The following GATA3 variants were observed in gnomAD, a reference collection of about 807,000 sequenced individuals.
GATA3 encodes trans-acting T-cell-specific transcription factor GATA-3.
Under a neutral mutation model 36.0 loss-of-function variants are expected in GATA3, and 6 were observed. The ratio of observed to expected loss-of-function variants is 0.17; its 90% CI spans 0.09 to 0.33. The LOEUF is 0.33. Among genes scored for constraint, GATA3 ranks in the 10% least tolerant of loss-of-function variants. The probability of loss-of-function intolerance (pLI) is 1.00; values close to 1 mark genes in which losing one functional copy is unlikely to be tolerated. For missense variants in GATA3, 514 were observed against 610.1 expected (o/e 0.84, Z 1.66); for synonymous variants, 326 against 273.0 (o/e 1.19, Z -1.92).
rs409534 is a variant in GATA3 at position 8,069,205 on chromosome 10, C to T, written c.925-268C>T. Among the ~76,000 whole-genome samples, 39,678 of 151,832 alleles carry T rather than the reference C, an allele frequency of 0.26. 5,627 individuals carry two copies. The highest frequency in any genetic ancestry group is 0.38 in the African/African-American group (15,637 of 41,380). ...GAGGCTAAGACTGCCAGGGAGGAGG[C>T]CCCGGCTTCCTGCTCCTACCGGGGA... is the stretch of plus-strand genomic sequence containing the variant. On this transcript the variant is annotated intron_variant, in intron 4 of 5. Coordinates refer to ENST00000379328, the MANE Select transcript of GATA3 (RefSeq NM_001002295.2).
chr10:8,071,065 T>C (rs1015688947), intron 5 of GATA3, among the ~76,000 whole-genome samples: 1 of 152,234 alleles, frequency 6.6e-6, no homozygotes, highest in African/African-American at 2.4e-5. Flanking sequence ...TATGAAATTA[T>C]TTTTGGGCTG....
At chr10:8,064,308 C>CTTTTTTTTTTTTTT (rs1315616378) in intron 4 of GATA3, among the ~76,000 whole-genome samples, 170 bp downstream of exon 4, 2 of 114,132 alleles carry the variant, frequency 1.8e-5, no homozygotes, top group Non-Finnish European at 3.4e-5. Context: ...TTTTCTTCTT[C>CTTTTTTTTTTTTTT]TTCTTTTTTT....
At chr10:8,050,399 G>A (rs112536719), upstream of GATA3, 3 of 152,398 alleles carry the variant, frequency 2.0e-5, no homozygotes, top group African/African-American at 7.2e-5. Flanking sequence ...TACTGGCGCC[G>A]GCCTCGACAC....
At chr10:8,049,299 A>G (rs181830312), upstream of GATA3, among the ~76,000 whole-genome samples, 5 of 152,088 alleles carry the variant, frequency 3.3e-5, no homozygotes, top group Admixed American at 2.6e-4. Context: ...ATTGCCAGTG[A>G]GTTTTAGGGT....
In GATA3 at chr10:8,064,311, C is replaced by CT. The variant is rs59943653; in HGVS notation, c.924+190dup. 9.6e-3 allele frequency among the ~76,000 whole-genome samples: 496 copies of CT among 51,430 alleles called. 2 individuals are homozygous for CT. Among genetic ancestry groups the CT allele is most frequent in the African/African-American group, 0.017 (232 of 13,358 alleles). 33.7% of individuals were successfully genotyped at this position (51,430 alleles called of 152,430 possible). On this transcript the variant is annotated intron_variant, in intron 4 of 5. Transcript: ENST00000379328. ...TTTCTTTCTTTCTTTTCTTCTTCTTCTTTTTTTTTTTTTTTTTCAAATTTG... is the reference window on the plus strand; with the variant it reads ...TTTCTTTCTTTCTTTTCTTCTTCTTCTTTTTTTTTTTTTTTTTTCAAATTTG...
intron 3 of GATA3, among the ~76,000 whole-genome samples, chr10:8,060,539 T>TC (rs1398451872): frequency 6.6e-6 from 1 of 150,928 alleles, no homozygotes. Context: ...CTTTTTCTTT[T>TC]TTTTTTAAAG....
chr10:8,055,896 G>A lies in GATA3; in HGVS notation c.241G>A (p.Gly81Arg), dbSNP rs759839816. The change falls in exon 2 of 6, where the codon GGG becomes AGG. Residue 81 changes from glycine (G) to arginine (R), a missense_variant and splice_region_variant. Transcript: ENST00000379328. The surrounding 1 kb of genome is among the most constrained non-coding windows in gnomAD (Gnocchi z 5.4). The stretch of plus-strand genomic sequence containing the variant: ...GCAGAGGTACCCTCCGACCCACCAC[G>A]GTGAGTGCGCCCGGGGTGCCGGGGC... The part of the protein sequence containing the change: ...TVQRYPPTHH[G>R]SQVCRPPLLH... The A allele has an allele frequency of 6.4e-7, 1 of 1,556,902 alleles. No individual in the cohort carries two copies.
chr10:8,056,406 C>T (rs1326701773), intron 2 of GATA3, among the ~76,000 whole-genome samples: 1 of 152,204 alleles, frequency 6.6e-6, no homozygotes, highest in Non-Finnish European at 1.5e-5. Flanking sequence ...TCAATTCGCA[C>T]ATTTTCAGAA....
intron 3 of GATA3, among the ~76,000 whole-genome samples, chr10:8,063,585 C>T (rs1832784290): frequency 1.3e-5 from 2 of 152,204 alleles, no homozygotes; most frequent in African/African-American, 4.8e-5. Context: ...CCTTTGTCTT[C>T]CTTTTTTTCC....
At chr10:8,052,067 C>G (rs575288672), upstream of GATA3, among the ~76,000 whole-genome samples, 199 of 152,292 alleles carry the variant, frequency 1.3e-3, no homozygotes, top group Non-Finnish European at 2.5e-3. Flanking sequence ...CCGGCGCGGG[C>G]CATCAAAAGA....
Position 8,074,830 on chromosome 10 carries a change from T to G in GATA3, c.*807T>G, listed in dbSNP as rs1832989756. Reference sequence around the variant, plus strand: ...AGAACTGCTTTCTTTCGTTTGTTTGTTTCAATATTTTCCTTCTCTCTCAAT... The same window carrying G: ...AGAACTGCTTTCTTTCGTTTGTTTGGTTCAATATTTTCCTTCTCTCTCAAT... On this transcript the variant is annotated 3_prime_UTR_variant, in exon 6 of 6. Transcript: ENST00000379328. 2 of 233,686 alleles carry G rather than the reference T, an allele frequency of 8.6e-6. No individual in the cohort carries two copies. The highest frequency in any genetic ancestry group is 1.7e-5 in the Non-Finnish European group (2 of 118,078). The allele number at this position is 233,686 out of a possible 1,614,324, so 14.5% of individuals were successfully genotyped here.
upstream of GATA3, among the ~76,000 whole-genome samples, chr10:8,052,058 C>A (rs895661054): frequency 2.0e-5 from 3 of 152,206 alleles, no homozygotes; most frequent in Admixed American, 2.0e-4. Context: ...CGAGACTGGC[C>A]GGCGCGGGCC....
At chr10:8,051,682 A>G (rs1197112175), upstream of GATA3, 1 of 152,618 alleles carries the variant, frequency 6.6e-6, no homozygotes, top group Non-Finnish European at 1.5e-5. Flanking sequence ...GCAGGAGGCC[A>G]GGATCAGCTT....
upstream of GATA3, among the ~76,000 whole-genome samples, chr10:8,048,666 T>C (rs2131465363): frequency 6.6e-6 from 1 of 152,218 alleles, no homozygotes; most frequent in African/African-American, 2.4e-5. Context: ...AGGGCACTTT[T>C]CCTCCAGGGT....
chr10:8,075,181 G>A lies in GATA3; in HGVS notation c.*1158G>A, dbSNP rs1353626077. Reference sequence around the variant, plus strand: ...AATATTATAAGCATAATAATAAAGTGAAAATATTTTAAAACTACAAAATGA... The same window carrying A: ...AATATTATAAGCATAATAATAAAGTAAAAATATTTTAAAACTACAAAATGA... On this transcript the variant is annotated 3_prime_UTR_variant, in exon 6 of 6. Transcript: ENST00000379328. 4.4e-6 allele frequency: 1 copy of A among 228,898 alleles called. No individual in the cohort carries two copies. Among genetic ancestry groups the A allele is most frequent in the Non-Finnish European group, 8.7e-6 (1 of 115,388 alleles). 14.2% of individuals were successfully genotyped at this position (228,898 alleles called of 1,614,324 possible). A position where few individuals can be genotyped will look rare whatever the true frequency, so the allele number is the denominator to read the frequency against.
chr10:8,047,621 G>T (rs1255528430), intron 1 of GATA3, among the ~76,000 whole-genome samples: 8 of 152,350 alleles, frequency 5.3e-5, no homozygotes, highest in Admixed American at 2.0e-4. Context: ...GCAGAGGTGG[G>T]TGCGGCAGCG....
chr10:8,055,929 G>T lies in GATA3; in HGVS notation c.241+33G>T. On this transcript the variant is annotated intron_variant, in intron 2 of 5. Transcript: ENST00000379328. The surrounding 1 kb of genome is among the most constrained non-coding windows in gnomAD (Gnocchi z 5.4). ...CGCCCGGGGTGCCGGGGCTCCCGCCGGCCGCTTCAGCCGTCCCGGCTCGGG... is the reference window on the plus strand; with the variant it reads ...CGCCCGGGGTGCCGGGGCTCCCGCCTGCCGCTTCAGCCGTCCCGGCTCGGG... 1 of 1,550,118 alleles carries T rather than the reference G, an allele frequency of 6.5e-7. No individual in the cohort carries two copies. The highest frequency in any genetic ancestry group is 1.2e-5 in the South Asian group (1 of 83,996).
At chr10:8,058,959 T>C in intron 3 of GATA3, 118 bp downstream of exon 3, 1 of 911,152 alleles carries the variant, frequency 1.1e-6, no homozygotes, top group South Asian at 1.6e-5. Context: ...CCTGCTGAGA[T>C]GCCATTCTTC....
intron 4 of GATA3, among the ~76,000 whole-genome samples, chr10:8,064,471 G>C (rs1308006861): frequency 6.6e-6 from 1 of 152,054 alleles, no homozygotes; most frequent in Non-Finnish European, 1.5e-5. Context: ...GTATGAACAG[G>C]ACCAGAGCAG....
Sources: gnomAD v4.1 joint callset for allele counts (sites outside exome capture counted in the v4.1 genomes callset) on GRCh38, gnomAD v4.1.1 for gene constraint, Gnocchi (gnomAD v3.1) non-coding constraint, MANE v1.5 for transcripts, NCBI Gene and HGNC (gene_info 2026-07-23, HGNC 2026-07-21) for gene names.